The following CCDC60 variants were observed in gnomAD, a reference collection of about 807,000 sequenced individuals.
CCDC60 encodes the protein coiled-coil domain containing 60, also known as coiled-coil domain-containing protein 60.
A neutral mutation model predicts 63.5 loss-of-function variants in CCDC60; 54 were observed. That is an observed-to-expected ratio of 0.85 (90% confidence interval 0.68 to 1.07). The LOEUF (loss-of-function observed/expected upper bound fraction) is 1.07. Among genes scored for constraint, CCDC60 ranks in the 50% least tolerant of loss-of-function variants. The pLI, the probability that CCDC60 is intolerant of heterozygous loss-of-function variation, is 0.00. For synonymous variants in CCDC60, 206 were observed against 238.8 expected (o/e 0.86, Z 1.27); for missense variants, 651 against 684.3 (o/e 0.95, Z 0.54).
At chr12:119,524,218 G>A (rs573762167) in intron 11 of CCDC60, among the ~76,000 whole-genome samples, 1 of 152,242 alleles carries the variant, frequency 6.6e-6, no homozygotes, top group South Asian at 2.1e-4. Context: ...AAAGTCCCAA[G>A]TCCAGAAGGG....
At chr12:119,433,483 G>A (rs1220214449) in intron 2 of CCDC60, 1 of 702,242 alleles carries the variant, frequency 1.4e-6, no homozygotes, top group Non-Finnish European at 2.6e-6. Flanking sequence ...GTTCCATCTG[G>A]CCACACTTCT....
rs779639223 is a variant in CCDC60, at chr12:119,528,693, G to C, written c.1308G>C (p.Met436Ile). ...ATTTTCAAAAGGACATAGCAAAAAT[G>C]AGACATCACATATCTGTAGTAAAAG... Reference protein sequence around the residue: ...VSNFQKDIAKMRHHISVVKGD... With the variant: ...VSNFQKDIAKIRHHISVVKGD... Residue 436 changes from methionine (M) to isoleucine (I), a missense_variant, in exon 12 of 14, where the codon ATG (methionine) becomes ATC (isoleucine). Met to Ile is a conservative substitution (Grantham distance 10). Coordinates refer to ENST00000327554, the MANE Select transcript of CCDC60 (RefSeq NM_178499.5). 1 of 1,614,022 alleles carries C rather than the reference G, an allele frequency of 6.2e-7. No individual in the cohort carries two copies. Among genetic ancestry groups the C allele is most frequent in the South Asian group, 1.1e-5 (1 of 91,052 alleles).
At chr12:119,454,247 A>G (rs372908117) in intron 2 of CCDC60, among the ~76,000 whole-genome samples, 4 of 152,180 alleles carry the variant, frequency 2.6e-5, no homozygotes, top group South Asian at 2.1e-4. Flanking sequence ...TGGTCAGACT[A>G]TTTGACTTCT....
intron 7 of CCDC60, among the ~76,000 whole-genome samples, chr12:119,516,298 G>T (rs1231527401): frequency 6.6e-6 from 1 of 152,078 alleles, no homozygotes; most frequent in Non-Finnish European, 1.5e-5. Flanking sequence ...TAGAGGTAGG[G>T]TTTCACCATG....
intron 1 of CCDC60, among the ~76,000 whole-genome samples, chr12:119,418,899 G>A (rs2136214147): frequency 6.6e-6 from 1 of 152,312 alleles, no homozygotes; most frequent in East Asian, 1.9e-4. Context: ...AATACAAAGA[G>A]GTGTATCCCT....
intron 7 of CCDC60, among the ~76,000 whole-genome samples, chr12:119,508,114 T>A: frequency 6.6e-6 from 1 of 151,550 alleles, no homozygotes; most frequent in Non-Finnish European, 1.5e-5. Context: ...AAGATTGCAG[T>A]GAATTATGGT....
chr12:119,426,593 A>T (rs1014689665), intron 1 of CCDC60, among the ~76,000 whole-genome samples: 1 of 152,100 alleles, frequency 6.6e-6, no homozygotes, highest in Non-Finnish European at 1.5e-5. Flanking sequence ...TCCTGAGCTC[A>T]AGCCATCCTC....
At chr12:119,364,332 T>C (rs1235351851) in intron 1 of CCDC60, among the ~76,000 whole-genome samples, 2 of 152,178 alleles carry the variant, frequency 1.3e-5, no homozygotes, top group Non-Finnish European at 2.9e-5. Context: ...ATAGAGCATT[T>C]TTATAGTCCC....
chr12:119,492,598 A>C (rs1455818209), intron 5 of CCDC60, among the ~76,000 whole-genome samples: 2 of 152,162 alleles, frequency 1.3e-5, no homozygotes, highest in Non-Finnish European at 2.9e-5. Context: ...CTTCAAGTGC[A>C]TTTTTTTAAA....
At chr12:119,536,924 G>T (rs926635388) in intron 13 of CCDC60, among the ~76,000 whole-genome samples, 1 of 152,136 alleles carries the variant, frequency 6.6e-6, no homozygotes, top group African/African-American at 2.4e-5. Flanking sequence ...TCTTTGTGGT[G>T]TTCTCTGTAT....
intron 1 of CCDC60, among the ~76,000 whole-genome samples, chr12:119,425,796 TTGCCCAAACTGGGTCAC>T (rs984953401): frequency 9.8e-5 from 15 of 152,322 alleles, no homozygotes; most frequent in African/African-American, 3.1e-4. Flanking sequence ...TGCATCTCAT[TTGCCCAAACTGGGTCAC>T]ATGACCATCC....
chr12:119,397,126 C>T (rs1956271236), intron 1 of CCDC60, among the ~76,000 whole-genome samples: 1 of 152,212 alleles, frequency 6.6e-6, no homozygotes, highest in South Asian at 2.1e-4. Flanking sequence ...AGTTCATGCT[C>T]TCGCTGGCTT....
intron 1 of CCDC60, among the ~76,000 whole-genome samples, chr12:119,417,273 G>T (rs1003353457): frequency 6.6e-6 from 1 of 151,940 alleles, no homozygotes; most frequent in African/African-American, 2.4e-5. Context: ...ATGCTACATT[G>T]TATGATGTAC....
chr12:119,452,822 T>C (rs909829213), intron 2 of CCDC60, among the ~76,000 whole-genome samples: 1 of 140,360 alleles, frequency 7.1e-6, no homozygotes, highest in African/African-American at 3.2e-5. Context: ...TTGTTTTTTT[T>C]TTGTTTGTTT....
At chr12:119,452,971 C>A (rs1950661824) in intron 2 of CCDC60, among the ~76,000 whole-genome samples, 1 of 152,122 alleles carries the variant, frequency 6.6e-6, no homozygotes, top group Non-Finnish European at 1.5e-5. Context: ...TACAGGCACG[C>A]ACCACCATGC....
chr12:119,371,168 C>T (rs1419577922), intron 1 of CCDC60, among the ~76,000 whole-genome samples: 4 of 152,166 alleles, frequency 2.6e-5, no homozygotes, highest in African/African-American at 9.7e-5. Flanking sequence ...TTCATTAAAC[C>T]ACCATCACTG....
chr12:119,486,538 T>C (rs1313941807), intron 4 of CCDC60, among the ~76,000 whole-genome samples: 4 of 151,998 alleles, frequency 2.6e-5, no homozygotes, highest in African/African-American at 7.2e-5. Flanking sequence ...ATAAAAAAAA[T>C]TGAAAAAGCT....
chr12:119,435,087 T>C (rs1272429432), intron 2 of CCDC60, among the ~76,000 whole-genome samples: 1 of 152,110 alleles, frequency 6.6e-6, no homozygotes, highest in Non-Finnish European at 1.5e-5. Flanking sequence ...GACTGGCTAA[T>C]GGATTGGATG....
chr12:119,374,786 A>G (rs145642168), intron 1 of CCDC60, among the ~76,000 whole-genome samples: 2 of 152,306 alleles, frequency 1.3e-5, no homozygotes, highest in African/African-American at 4.8e-5. Context: ...GGGGCAGGCA[A>G]TTCCCAGAAC....
Sources: allele counts gnomAD v4.1 joint callset (sites outside exome capture counted in the v4.1 genomes callset), GRCh38; gene constraint gnomAD v4.1.1; transcripts MANE v1.5; gene names NCBI Gene and HGNC (gene_info 2026-07-23, HGNC 2026-07-21).